The following EFCAB5 variants were observed in gnomAD, a reference collection of about 807,000 sequenced individuals.
The protein encoded by EFCAB5 is EF-hand calcium-binding domain-containing protein 5.
EFCAB5 carries 131 observed loss-of-function variants against 167.9 expected under a neutral mutation model. The ratio of observed to expected loss-of-function variants is 0.78; its 90% CI spans 0.68 to 0.90. The LOEUF (loss-of-function observed/expected upper bound fraction) is 0.90. EFCAB5 is among the 40% of genes least tolerant of loss of function. The pLI is 0.00. For synonymous variants in EFCAB5, 574 were observed against 602.8 expected, an observed-to-expected ratio of 0.95 and a Z score of 0.70; for missense variants, 1,663 against 1,745.2, an observed-to-expected ratio of 0.95 and a Z score of 0.84.
At chr17:30,047,969 G>A (rs2069975263) in intron 8 of EFCAB5, among the ~76,000 whole-genome samples, 1 of 152,164 alleles carries the variant, frequency 6.6e-6, no homozygotes, top group African/African-American at 2.4e-5. Flanking sequence ...CAAAGGGCCT[G>A]TAGCCATTTA....
In EFCAB5 at chr17:30,087,073, A is replaced by G. The variant is rs2071102884; in HGVS notation, c.3590A>G (p.Tyr1197Cys). 6.2e-7 allele frequency: 1 copy of G among 1,613,368 alleles called. No homozygotes were observed. Among genetic ancestry groups the G allele is most frequent in the East Asian group, 2.2e-5 (1 of 44,850 alleles). Residue 1197 changes from tyrosine to cysteine, a missense_variant, in exon 19 of 23, where the codon TAT becomes TGT. Tyr to Cys is a radical substitution (Grantham distance 194). Transcript: ENST00000394835. ...CTTCCTCTTTTCAAGGATTCAGACT[A>G]TGTTTTACGCAACATGATGGTTACA... The part of the protein sequence containing the change: ...VEPSPAQDSD[Y>C]VLRNMMVTGQ...
intron 8 of EFCAB5, 43 bp downstream of exon 8, chr17:30,034,428 G>C: frequency 6.5e-7 from 1 of 1,546,836 alleles, no homozygotes; most frequent in Non-Finnish European, 8.7e-7. Context: ...GCCAGACACT[G>C]TGGCTCACGC....
chr17:29,943,498 T>G, intron 2 of EFCAB5, 67 bp from the exon 3 acceptor site: 1 of 1,357,364 alleles, frequency 7.4e-7, no homozygotes, highest in East Asian at 2.7e-5. Context: ...TTAATTGGAA[T>G]AATTTATACA....
At chr17:29,934,829 A>G (rs532264973) in intron 1 of EFCAB5, among the ~76,000 whole-genome samples, 4 of 152,324 alleles carry the variant, frequency 2.6e-5, no homozygotes, top group Non-Finnish European at 4.4e-5. Flanking sequence ...TCTCTAGATC[A>G]CACTGCTTCT....
At chr17:30,080,361 C>A in intron 16 of EFCAB5, 120 bp downstream of exon 16, 2 of 1,062,560 alleles carry the variant, frequency 1.9e-6, no homozygotes, top group Non-Finnish European at 2.6e-6. Flanking sequence ...GTCACCAGTG[C>A]TTCTGGAGTA....
chr17:29,942,164 T>G lies in EFCAB5; in HGVS notation c.43-76T>G, dbSNP rs2067307593. On this transcript the variant is annotated intron_variant, in intron 1 of 22. Transcript: ENST00000394835. ...AAATTTTTAAAAATTAAAAGCTTACTGTATTAAAGTATGAGACAGTAGTTT... is the reference window on the plus strand; with the variant it reads ...AAATTTTTAAAAATTAAAAGCTTACGGTATTAAAGTATGAGACAGTAGTTT... The G allele has an allele frequency of 2.4e-6, 3 of 1,242,828 alleles. No homozygotes were observed. The South Asian group carries it at 4.7e-5, about 19-fold the overall frequency. 77.0% of individuals were successfully genotyped at this position (1,242,828 alleles called of 1,614,324 possible). A position where few individuals can be genotyped will look rare whatever the true frequency, so the allele number is the denominator to read the frequency against.
chr17:30,054,224 C>A, intron 10 of EFCAB5, 76 bp downstream of exon 10: 1 of 1,450,516 alleles, frequency 6.9e-7, no homozygotes, highest in South Asian at 1.5e-5. Flanking sequence ...AGAAAACACT[C>A]ATTTAAGTTA....
rs267604789 is a variant in EFCAB5, at chr17:29,999,930, T to C, written c.998T>C (p.Ile333Thr). The C allele has an allele frequency of 5.7e-6, 9 of 1,587,256 alleles. No individual in the cohort carries two copies. Among genetic ancestry groups the C allele is most frequent in the Non-Finnish European group, 7.7e-6 (9 of 1,165,316 alleles). Residue 333 changes from isoleucine to threonine, a missense_variant, in exon 7 of 23, where the codon ATT becomes ACT. Physicochemically the swap from Ile to Thr is moderately conservative, Grantham distance 89. Transcript: ENST00000394835. Reference sequence around the variant, plus strand: ...GGATCACACTGCAAACAACTGGATATTACTGACTCAACAGAACCAAGATTG... The same window carrying C: ...GGATCACACTGCAAACAACTGGATACTACTGACTCAACAGAACCAAGATTG... ...KLGSHCKQLDITDSTEPRLNK... is the reference protein window; with the variant it reads ...KLGSHCKQLDTTDSTEPRLNK...
chr17:30,053,600 A>G lies in EFCAB5; in HGVS notation c.1646A>G (p.His549Arg). ...GAATCAGTAATAGAACCAGGAACAC[A>G]CACAGAGTCAACTCTAGAACAAGGG... is the stretch of plus-strand genomic sequence containing the variant. ...YIESVIEPGT[H>R]TESTLEQGSS... is the part of the protein sequence containing the mutation. The change falls in exon 10 of 23, where the codon CAC becomes CGC. Residue 549 changes from histidine to arginine, a missense_variant. Coordinates refer to ENST00000394835, the MANE Select transcript of EFCAB5 (RefSeq NM_198529.4). 1 of 1,613,984 alleles carries G rather than the reference A, an allele frequency of 6.2e-7. No homozygotes were observed. The highest frequency in any genetic ancestry group is 1.1e-5 in the South Asian group (1 of 91,082).
chr17:29,986,637 ATTTTTTTTTTTT>A lies in EFCAB5; in HGVS notation c.768-6510_768-6499del, dbSNP rs911310972. 1.6e-4 allele frequency among the ~76,000 whole-genome samples: 9 copies of A among 58,054 alleles called. 1 individual carries two copies. The highest frequency in any genetic ancestry group is 4.9e-4 in the Admixed American group (2 of 4,086). 38.1% of individuals were successfully genotyped at this position (58,054 alleles called of 152,430 possible). A position where few individuals can be genotyped will look rare whatever the true frequency, so the allele number is the denominator to read the frequency against. The stretch of plus-strand genomic sequence containing the variant: ...ATGCCTCAATTATAGGAGTATATTC[ATTTTTTTTTTTT>A]TTTTTTTTTTTTTTTTTGAGACGGA... On this transcript the variant is annotated intron_variant, in intron 4 of 22. Transcript: ENST00000394835.
chr17:30,028,982 G>A (rs969383972), intron 7 of EFCAB5, among the ~76,000 whole-genome samples: 22 of 152,030 alleles, frequency 1.4e-4, no homozygotes, highest in Non-Finnish European at 1.8e-4. Flanking sequence ...GAGATACCGA[G>A]GGTTAGGCTG....
chr17:30,054,921 T>G (rs1477695795), intron 10 of EFCAB5, among the ~76,000 whole-genome samples: 2 of 152,204 alleles, frequency 1.3e-5, no homozygotes, highest in African/African-American at 2.4e-5. Flanking sequence ...TACCTAATAA[T>G]GGCTTCAGTC....
intron 4 of EFCAB5, among the ~76,000 whole-genome samples, chr17:29,991,144 C>T (rs2068407808): frequency 6.6e-6 from 1 of 152,174 alleles, no homozygotes; most frequent in African/African-American, 2.4e-5. Context: ...TTCTTACTCA[C>T]CACGGGGACT....
rs555555595 is a variant in EFCAB5 at position 30,083,604 on chromosome 17, G to A, written c.3579+561G>A. 4.1e-3 allele frequency among the ~76,000 whole-genome samples: 622 copies of A among 152,280 alleles called. 1 individual carries two copies. Among genetic ancestry groups the A allele is most frequent in the Non-Finnish European group, 6.7e-3 (456 of 68,016 alleles). ...CGAGTAGCTGGGATTACAGGCATGC[G>A]CCACCACGCCAAGCTAATTTTGTAT... On this transcript the variant is annotated intron_variant, in intron 18 of 22. Transcript: ENST00000394835.
chr17:30,066,689 A>C (rs893956351), intron 14 of EFCAB5, among the ~76,000 whole-genome samples: 1 of 152,130 alleles, frequency 6.6e-6, no homozygotes, highest in Non-Finnish European at 1.5e-5. Context: ...AATAAATACA[A>C]TTGAGACCAA....
intron 10 of EFCAB5, among the ~76,000 whole-genome samples, chr17:30,054,590 C>A (rs898808894): frequency 2.6e-5 from 4 of 152,160 alleles, no homozygotes; most frequent in African/African-American, 9.7e-5. Flanking sequence ...ACAGAACGCA[C>A]CCTGCATTTC....
rs1205706436 is a variant in EFCAB5 at position 30,080,345 on chromosome 17, C to T, written c.3197+104C>T. 8.9e-6 allele frequency: 11 copies of T among 1,232,212 alleles called. 1 individual carries two copies. Among genetic ancestry groups the T allele is most frequent in the Non-Finnish European group, 1.2e-5 (11 of 914,066 alleles). 76.3% of individuals were successfully genotyped at this position (1,232,212 alleles called of 1,614,324 possible). ...CAGCTAGCTGCTCAAAAGAGAGGTGCCTCAAGTCACCAGTGCTTCTGGAGT... is the reference window on the plus strand; with the variant it reads ...CAGCTAGCTGCTCAAAAGAGAGGTGTCTCAAGTCACCAGTGCTTCTGGAGT... On this transcript the variant is annotated intron_variant, in intron 16 of 22. Coordinates refer to ENST00000394835, the MANE Select transcript of EFCAB5 (RefSeq NM_198529.4).
chr17:29,993,610 G>A (rs2068471767), intron 5 of EFCAB5, among the ~76,000 whole-genome samples: 1 of 152,086 alleles, frequency 6.6e-6, no homozygotes, highest in Non-Finnish European at 1.5e-5. Flanking sequence ...TTGTGTGTGT[G>A]TTTGTATGTG....
In EFCAB5 at chr17:30,092,918, A is replaced by C; in HGVS notation, c.4303A>C (p.Ile1435Leu). ...AKHVEVNVQL[I>L]DEYIRDHSRT... ...GCATGTGGAAGTTAATGTACAGCTT[A>C]TTGATGAATATATCAGAGGTAAATT... The change falls in exon 22 of 23, where the codon ATT becomes CTT. Residue 1435 changes from isoleucine to leucine, a missense_variant. Ile to Leu is a conservative substitution (Grantham distance 5, BLOSUM62 2). Transcript: ENST00000394835. 6.2e-7 allele frequency: 1 copy of C among 1,608,578 alleles called. No individual in the cohort carries two copies. The highest frequency in any genetic ancestry group is 8.5e-7 in the Non-Finnish European group (1 of 1,177,602).
Sources: allele counts gnomAD v4.1 joint callset (sites outside exome capture counted in the v4.1 genomes callset), GRCh38; gene constraint gnomAD v4.1.1; transcripts MANE v1.5; gene names NCBI Gene and HGNC (gene_info 2026-07-23, HGNC 2026-07-21).